The following SEMA3A variants were observed in gnomAD, a reference collection of about 807,000 sequenced individuals.
The protein encoded by SEMA3A is semaphorin-3A.
Under a neutral mutation model 97.9 loss-of-function variants are expected in SEMA3A, and 29 were observed. That is an observed-to-expected ratio of 0.30 (90% CI 0.22 to 0.40). The LOEUF is 0.40. Ranked by LOEUF, SEMA3A falls within the 10% of genes least tolerant of loss-of-function variation. The pLI is 1.00. For synonymous variants in SEMA3A, 321 were observed against 323.7 expected (o/e 0.99, Z 0.09); for missense variants, 763 against 951.3 (o/e 0.80, Z 2.60).
intron 3 of SEMA3A, among the ~76,000 whole-genome samples, chr7:84,222,253 T>C (rs557893055): frequency 1.3e-5 from 2 of 152,006 alleles, no homozygotes; most frequent in African/African-American, 4.8e-5. Flanking sequence ...TCTGTGACAC[T>C]GAATATAACC....
At chr7:84,304,085 C>T (rs1326614157) in intron 3 of SEMA3A, among the ~76,000 whole-genome samples, 1 of 152,040 alleles carries the variant, frequency 6.6e-6, no homozygotes, top group Non-Finnish European at 1.5e-5. Context: ...TCCCTTTAAA[C>T]TGGTGTGTGG....
chr7:84,424,717 A>AT (rs1491488307), intron 1 of SEMA3A, among the ~76,000 whole-genome samples: 1 of 98,974 alleles, frequency 1.0e-5, no homozygotes, highest in Non-Finnish European at 1.7e-5. Context: ...TATAATATAT[A>AT]AATTATTTAT....
intron 2 of SEMA3A, among the ~76,000 whole-genome samples, chr7:84,353,550 G>A (rs1233739416): frequency 6.6e-6 from 1 of 151,622 alleles, no homozygotes; most frequent in Non-Finnish European, 1.5e-5. Context: ...CTATTTTTGT[G>A]ATCATAAATA....
chr7:83,973,560 A>G (rs1383110192), intron 15 of SEMA3A, among the ~76,000 whole-genome samples: 1 of 152,170 alleles, frequency 6.6e-6, no homozygotes, highest in African/African-American at 2.4e-5. Context: ...CATCACTGGA[A>G]GAGGCTAAGA....
chr7:84,131,304 C>T (rs115989984), intron 2 of SEMA3A, among the ~76,000 whole-genome samples: 1 of 151,982 alleles, frequency 6.6e-6, no homozygotes. Flanking sequence ...ATTTGTTTAA[C>T]TGTTGGTGGT....
intron 13 of SEMA3A, among the ~76,000 whole-genome samples, chr7:83,985,164 C>T (rs1175813061): frequency 1.3e-5 from 2 of 151,634 alleles, no homozygotes; most frequent in African/African-American, 4.8e-5. Flanking sequence ...ATTAAAATGA[C>T]CAAAATACAC....
chr7:84,321,744 C>T (rs1319192490), intron 2 of SEMA3A, among the ~76,000 whole-genome samples: 1 of 151,354 alleles, frequency 6.6e-6, no homozygotes, highest in Non-Finnish European at 1.5e-5. Flanking sequence ...GGCGTGGTGG[C>T]GCACGCCTCT....
rs543619612 is a variant in SEMA3A, at chr7:84,364,205, C to A, written c.-169+7619G>T. ...AAACATAAACAAAACCTTTTAGGAA[C>A]CTCAGTGATTTTTTAAGAATGTAAC... On this transcript the variant is annotated intron_variant, in intron 2 of 3. Transcript: ENST00000424555. 1.5e-4 allele frequency among the ~76,000 whole-genome samples: 23 copies of A among 151,630 alleles called. No homozygotes were observed. The South Asian group carries it at 4.8e-3, about 31-fold the overall frequency.
At chr7:84,118,176 C>T (rs1194635594) in intron 3 of SEMA3A, among the ~76,000 whole-genome samples, 1 of 152,186 alleles carries the variant, frequency 6.6e-6, no homozygotes, top group Non-Finnish European at 1.5e-5. Flanking sequence ...GTGCCCATTT[C>T]TGCTACCAAG....
At chr7:83,980,623 A>AAAAAAAAAAAAAAAAAAAATATAT (rs1310318006) in intron 14 of SEMA3A, among the ~76,000 whole-genome samples, 1 of 71,762 alleles carries the variant, frequency 1.4e-5, no homozygotes, top group African/African-American at 8.3e-5. Flanking sequence ...AAAAAAAAAA[A>AAAAAAAAAAAAAAAAAAAATATAT]ATATATATAT....
intron 2 of SEMA3A, among the ~76,000 whole-genome samples, chr7:84,133,100 A>G (rs1196644093): frequency 6.6e-6 from 1 of 152,178 alleles, no homozygotes; most frequent in Non-Finnish European, 1.5e-5. Context: ...CAAATGAATA[A>G]CCAGTATTTT....
intron 3 of SEMA3A, among the ~76,000 whole-genome samples, chr7:84,241,520 G>C (rs1285759466): frequency 6.6e-6 from 1 of 152,028 alleles, no homozygotes; most frequent in Non-Finnish European, 1.5e-5. Context: ...TTGTCAGATG[G>C]ATAGATCGCA....
At chr7:84,464,216 G>A (rs1457379623) in intron 1 of SEMA3A, among the ~76,000 whole-genome samples, 1 of 152,148 alleles carries the variant, frequency 6.6e-6, no homozygotes, top group Non-Finnish European at 1.5e-5. Context: ...AGTAATGCTA[G>A]CCATATTTTT....
At chr7:84,296,550 G>A (rs887391765) in intron 3 of SEMA3A, among the ~76,000 whole-genome samples, 2 of 152,046 alleles carry the variant, frequency 1.3e-5, no homozygotes, top group East Asian at 1.9e-4. Flanking sequence ...CTTTACAGGG[G>A]CTTCTTTACC....
chr7:84,299,370 A>C (rs2372171), intron 3 of SEMA3A, among the ~76,000 whole-genome samples: 869 of 23,368 alleles, frequency 0.037, 30 homozygotes, highest in Admixed American at 0.14. Flanking sequence ...CTCTCCCTCT[A>C]TATATATATA....
intron 3 of SEMA3A, among the ~76,000 whole-genome samples, chr7:84,239,025 C>T (rs1799300016): frequency 1.3e-5 from 2 of 151,988 alleles, no homozygotes; most frequent in Admixed American, 6.6e-5. Context: ...CCAAAAACTA[C>T]AATGATTTAA....
intron 4 of SEMA3A, among the ~76,000 whole-genome samples, chr7:84,088,614 T>C (rs921045026): frequency 6.6e-6 from 1 of 152,180 alleles, no homozygotes; most frequent in African/African-American, 2.4e-5. Context: ...TGCTGGTTGA[T>C]TGGGAATACA....
chr7:84,193,364 T>C (rs1798109632), intron 1 of SEMA3A, among the ~76,000 whole-genome samples: 1 of 152,014 alleles, frequency 6.6e-6, no homozygotes, highest in African/African-American at 2.4e-5. Context: ...CAAGGTACAG[T>C]AGACAGACAT....
intron 1 of SEMA3A, among the ~76,000 whole-genome samples, chr7:84,418,997 T>C (rs542424770): frequency 3.3e-5 from 5 of 152,182 alleles, no homozygotes; most frequent in East Asian, 1.9e-4. Flanking sequence ...ACATATCTTA[T>C]TGATTCTTTC....
Sources: gnomAD v4.1 joint callset for allele counts (sites outside exome capture counted in the v4.1 genomes callset) on GRCh38, gnomAD v4.1.1 for gene constraint, MANE v1.5 for transcripts, NCBI Gene and HGNC (gene_info 2026-07-23, HGNC 2026-07-21) for gene names.